Variants in OVCH1 observed in about 807,000 individuals in gnomAD.
OVCH1 encodes the protein ovochymase 1, also known as ovochymase-1.
Under a neutral mutation model 138.4 loss-of-function variants are expected in OVCH1, and 139 were observed. The ratio of observed to expected loss-of-function variants is 1.00; its 90% CI spans 0.87 to 1.16. OVCH1 has a LOEUF of 1.16. Ranked by LOEUF, OVCH1 falls within the 50% of genes most tolerant of loss-of-function variation. The pLI, the probability that OVCH1 is intolerant of heterozygous loss-of-function variation, is 0.00. For synonymous variants in OVCH1, 453 were observed against 467.8 expected, an observed-to-expected ratio of 0.97 and a Z score of 0.41; for missense variants, 1,367 against 1,357.9, an observed-to-expected ratio of 1.01 and a Z score of -0.11.
At chr12:29,427,220 C>T (rs1427012231), downstream of OVCH1, among the ~76,000 whole-genome samples, 2 of 152,186 alleles carry the variant, frequency 1.3e-5, no homozygotes, top group Non-Finnish European at 2.9e-5. Flanking sequence ...CCAAGCTCTT[C>T]CCTCATTCAG....
At chr12:29,453,663 A>T (rs1433214980) in intron 21 of OVCH1, among the ~76,000 whole-genome samples, 2 of 151,376 alleles carry the variant, frequency 1.3e-5, no homozygotes, top group African/African-American at 4.9e-5. Context: ...TCCTTATTTC[A>T]CTCCTTACCC....
intron 11 of OVCH1, 32 bp from the exon 12 acceptor site, chr12:29,477,264 T>G (rs1401834870): frequency 6.2e-7 from 1 of 1,612,984 alleles, no homozygotes; most frequent in Non-Finnish European, 8.5e-7. Flanking sequence ...TCAAAGTGAA[T>G]GGCCAAAGAC....
intron 14 of OVCH1, among the ~76,000 whole-genome samples, chr12:29,474,010 G>A (rs1942607595): frequency 6.6e-6 from 1 of 151,462 alleles, no homozygotes; most frequent in South Asian, 2.1e-4. Flanking sequence ...TCCTCAGCTT[G>A]CAGACAGCCT....
At chr12:29,447,457 T>C (rs147299385) in intron 22 of OVCH1, among the ~76,000 whole-genome samples, 27 of 152,180 alleles carry the variant, frequency 1.8e-4, no homozygotes, top group Non-Finnish European at 3.2e-4. Flanking sequence ...TTCTGAAGAG[T>C]AATTTAACTT....
At chr12:29,455,820 CTGTTTT>C (rs1437347799) in intron 19 of OVCH1, among the ~76,000 whole-genome samples, 1 of 150,862 alleles carries the variant, frequency 6.6e-6, no homozygotes, top group Non-Finnish European at 1.5e-5. Context: ...AATGTGCTGC[CTGTTTT>C]TTTCTTTTTT....
chr12:29,495,475 T>C lies in OVCH1; in HGVS notation c.282-18A>G, dbSNP rs2136099912. 2.5e-6 allele frequency: 4 copies of C among 1,607,734 alleles called. No individual in the cohort carries two copies. In the South Asian group the frequency reaches 4.5e-5, roughly 18 times the overall value. ...GCTGCTTCCTAAAACCAAAGAAAAA[T>C]GTTTCATAAGTAGTTGTTTCCCCTA... On this transcript the variant is annotated intron_variant, in intron 3 of 27. Coordinates refer to ENST00000318184, the Ensembl canonical transcript of OVCH1.
chr12:29,427,784 A>G, intron 27 of OVCH1: 1 of 1,230,498 alleles, frequency 8.1e-7, no homozygotes, highest in Non-Finnish European at 1.1e-6. Context: ...TAGGTCCAAA[A>G]TCTTTACAGA....
At chr12:29,472,326 T>C (rs1942541462) in intron 15 of OVCH1, among the ~76,000 whole-genome samples, 2 of 152,204 alleles carry the variant, frequency 1.3e-5, no homozygotes, top group African/African-American at 4.8e-5. Context: ...GGAACTTACA[T>C]TCTAGTAGGA....
rs775198791 is a variant in OVCH1, at chr12:29,464,705, G to T, written c.1930-3C>A. ...ATTATGTGTTTGGCCCTTCTCACCTGTATCGGTGGCAAGTAAGCAAATTAC... is the reference window on the plus strand; with the variant it reads ...ATTATGTGTTTGGCCCTTCTCACCTTTATCGGTGGCAAGTAAGCAAATTAC... On this transcript the variant is annotated splice_polypyrimidine_tract_variant and splice_region_variant and intron_variant, in intron 17 of 27. Coordinates refer to ENST00000318184, the Ensembl canonical transcript of OVCH1. 6.2e-7 allele frequency: 1 copy of T among 1,601,654 alleles called. No individual in the cohort carries two copies. The highest frequency in any genetic ancestry group is 8.5e-7 in the Non-Finnish European group (1 of 1,174,286).
chr12:29,435,692 C>G (rs1941346705), intron 26 of OVCH1, among the ~76,000 whole-genome samples: 1 of 152,050 alleles, frequency 6.6e-6, no homozygotes, highest in South Asian at 2.1e-4. Flanking sequence ...ATAGCAGTTT[C>G]CTTCAACCTC....
intron 17 of OVCH1, 39 bp from the exon 18 acceptor site, chr12:29,464,741 A>G: frequency 6.4e-7 from 1 of 1,559,936 alleles, no homozygotes; most frequent in Non-Finnish European, 8.7e-7. Flanking sequence ...AACGTAAGAA[A>G]GTCAAAGAAT....
At chr12:29,421,360 A>G (rs1221247761) in intron 3 of OVCH1, among the ~76,000 whole-genome samples, 1 of 152,240 alleles carries the variant, frequency 6.6e-6, no homozygotes, top group Admixed American at 6.5e-5. Flanking sequence ...AAAGTCTATT[A>G]AAATTTCAGA....
exon 15 of OVCH1, chr12:29,473,042 T>G: frequency 6.2e-7 from 1 of 1,610,716 alleles, no homozygotes; most frequent in Admixed American, 1.7e-5. Context: ...GCAGAATAGC[T>G]TTTACGGTAG....
chr12:29,496,431 T>A lies in OVCH1; in HGVS notation c.183+125A>T, dbSNP rs1233500604. ...GTAAGATAGTTCCTACGAAGTAAAC[T>A]TTTTGGTAGAGAGCTAGAGGGGTTC... On this transcript the variant is annotated intron_variant, in intron 2 of 27. Transcript: ENST00000318184. The A allele has an allele frequency of 6.1e-6, 7 of 1,138,940 alleles. No homozygotes were observed. In the East Asian group the frequency reaches 1.5e-4, roughly 25 times the overall value. The allele number at this position is 1,138,940 out of a possible 1,614,324, so 70.6% of individuals were successfully genotyped here.
chr12:29,485,008 C>A (rs1274189258), intron 8 of OVCH1, among the ~76,000 whole-genome samples: 1 of 152,162 alleles, frequency 6.6e-6, no homozygotes, highest in East Asian at 1.9e-4. Context: ...TAATTTGAAT[C>A]AAAATCAAAA....
chr12:29,491,051 A>T (rs1472051951), intron 5 of OVCH1, 46 bp downstream of exon 5: 1 of 1,484,796 alleles, frequency 6.7e-7, no homozygotes, highest in Non-Finnish European at 9.4e-7. Flanking sequence ...TCCCCTGGAC[A>T]TACAGAGAGC....
chr12:29,412,029 C>A (rs1407745139), downstream of OVCH1, among the ~76,000 whole-genome samples: 1 of 152,092 alleles, frequency 6.6e-6, no homozygotes, highest in Non-Finnish European at 1.5e-5. Context: ...CCTCCCCCAG[C>A]CTCTCTGCCG....
chr12:29,425,326 A>C (rs1287138556), downstream of OVCH1, among the ~76,000 whole-genome samples: 1 of 152,226 alleles, frequency 6.6e-6, no homozygotes, highest in African/African-American at 2.4e-5. Flanking sequence ...GTGGCTGGAA[A>C]AGGGGCTAGT....
chr12:29,405,769 A>G, the OVCH1 span, among the ~76,000 whole-genome samples: 5 of 152,364 alleles, frequency 3.3e-5, no homozygotes, highest in East Asian at 1.9e-4. Context: ...AATCAGTACA[A>G]TTCATTTTTA....
Sources: allele counts gnomAD v4.1 joint callset (sites outside exome capture counted in the v4.1 genomes callset), GRCh38; gene constraint gnomAD v4.1.1; transcripts MANE v1.5; gene names NCBI Gene and HGNC (gene_info 2026-07-23, HGNC 2026-07-21).